The following MYO1B variants were observed in gnomAD, a reference collection of about 807,000 sequenced individuals.
MYO1B encodes the protein unconventional myosin-Ib.
MYO1B carries 72 observed loss-of-function variants against 159.7 expected under a neutral mutation model. The ratio of observed to expected loss-of-function variants is 0.45; its 90% CI spans 0.37 to 0.55. The LOEUF is 0.55. Among genes scored for constraint, MYO1B ranks in the 20% least tolerant of loss-of-function variants. The probability of loss-of-function intolerance (pLI) is 0.00; values close to 1 mark genes in which losing one functional copy is unlikely to be tolerated. For missense variants in MYO1B, 1,062 were observed against 1,364.8 expected, an observed-to-expected ratio of 0.78 and a Z score of 3.50; for synonymous variants, 468 against 473.8, an observed-to-expected ratio of 0.99 and a Z score of 0.16.
At chr2:191,312,267 AC>A (rs1184230709) in intron 3 of MYO1B, among the ~76,000 whole-genome samples, 1 of 152,186 alleles carries the variant, frequency 6.6e-6, no homozygotes, top group African/African-American at 2.4e-5. Context: ...CTTGTGGCCT[AC>A]TGTTTCTGAA....
intron 24 of MYO1B, 130 bp downstream of exon 24, chr2:191,402,848 T>G: frequency 1.5e-6 from 1 of 647,472 alleles, no homozygotes; most frequent in Non-Finnish European, 2.5e-6. Context: ...TCTTGCTTAA[T>G]TTTGTACCTT....
At chr2:191,307,591 C>T (rs1415974530) in intron 3 of MYO1B, among the ~76,000 whole-genome samples, 2 of 152,120 alleles carry the variant, frequency 1.3e-5, no homozygotes, top group African/African-American at 4.8e-5. Flanking sequence ...CGAACACCTC[C>T]GACAAACTCA....
chr2:191,416,985 T>C (rs1697616411), intron 30 of MYO1B, among the ~76,000 whole-genome samples: 1 of 152,228 alleles, frequency 6.6e-6, no homozygotes, highest in African/African-American at 2.4e-5. Flanking sequence ...TGTAAGTGTT[T>C]TGGAGAAATC....
rs34444520 is a variant in MYO1B at position 191,372,879 on chromosome 2, C to CT, written c.1185+2613dup. ...TATGAAAATGCCTGCGTTATATTTC[C>CT]TTTTTTTTTTTTTTTTTTTTTTTTT... On this transcript the variant is annotated intron_variant, in intron 13 of 30. Coordinates refer to ENST00000392318, the MANE Select transcript of MYO1B (RefSeq NM_001130158.3). 9.2e-3 allele frequency among the ~76,000 whole-genome samples: 647 copies of CT among 70,154 alleles called. 121 individuals are homozygous for CT. The highest frequency in any genetic ancestry group is 0.029 in the African/African-American group (495 of 16,900). The allele number at this position is 70,154 out of a possible 152,430, so 46.0% of individuals were successfully genotyped here. A position where few individuals can be genotyped will look rare whatever the true frequency, so the allele number is the denominator to read the frequency against.
intron 1 of MYO1B, among the ~76,000 whole-genome samples, chr2:191,249,630 ATTGT>A (rs1685991587): frequency 6.6e-6 from 1 of 152,202 alleles, no homozygotes. Context: ...GGCATCATGG[ATTGT>A]TTGTGGATTC....
chr2:191,303,621 G>C (rs549609125), intron 3 of MYO1B, among the ~76,000 whole-genome samples: 2 of 152,110 alleles, frequency 1.3e-5, no homozygotes, highest in Admixed American at 6.5e-5. Context: ...CTAAACTCCA[G>C]CTTAAGTATT....
chr2:191,378,742 GGA>G (rs1229948624), intron 13 of MYO1B, among the ~76,000 whole-genome samples: 2 of 152,094 alleles, frequency 1.3e-5, no homozygotes, highest in Non-Finnish European at 2.9e-5. Flanking sequence ...GGGGTGGTAT[GGA>G]GAGAGAATGA....
In MYO1B at chr2:191,277,008, G is replaced by A. The variant is rs1270573636; in HGVS notation, c.113G>A (p.Arg38His). The A allele has an allele frequency of 3.1e-6, 5 of 1,613,534 alleles. No individual in the cohort carries two copies. The highest frequency in any genetic ancestry group is 1.7e-5 in the Admixed American group (1 of 59,834). ...ACCTTCATCAACAACCTCAAGAAGC[G>A]CTTTGACCACAGTGAAATATACGTA... ...EETFINNLKK[R>H]FDHSEIYTYI... The change falls in exon 2 of 31, where the codon CGC becomes CAC. Residue 38 changes from arginine (R) to histidine (H), a missense_variant. Physicochemically the swap from Arg to His is conservative, Grantham distance 29. This residue lies in a region of MYO1B where 415 missense variants were observed against 544.0 expected (regional missense o/e 0.76). Coordinates refer to ENST00000392318, the MANE Select transcript of MYO1B (RefSeq NM_001130158.3).
At chr2:191,361,548 G>A (rs954253151) in intron 8 of MYO1B, among the ~76,000 whole-genome samples, 2 of 151,282 alleles carry the variant, frequency 1.3e-5, no homozygotes, top group Non-Finnish European at 2.9e-5. Flanking sequence ...AACAAATGCA[G>A]ATTAAAACAG....
chr2:191,414,186 A>G lies in MYO1B; in HGVS notation c.3006+6A>G. ...TTAACCGTGCTAATGGGAAGGTAAA[A>G]ATGCTAACCTTGAAGACTGATAAGA... On this transcript the variant is annotated splice_donor_region_variant and intron_variant, in intron 28 of 30. Transcript: ENST00000392318. 6.2e-7 allele frequency: 1 copy of G among 1,609,686 alleles called. No homozygotes were observed.
At position 191,303,973 on chromosome 2, in the gene MYO1B, G is replaced by T. The variant is rs147263909; in HGVS notation, c.251+7747G>T. Among the ~76,000 whole-genome samples the T allele has an allele frequency of 1.4e-4, 22 of 152,292 alleles. No homozygotes were observed. In the East Asian group the frequency reaches 4.0e-3, roughly 28 times the overall value. On this transcript the variant is annotated intron_variant, in intron 3 of 30. Coordinates refer to ENST00000392318, the MANE Select transcript of MYO1B (RefSeq NM_001130158.3). ...TTCCTTTTATGCATGACTGTCATGGGTCAAAATAAGCAGAAGGCAGGCACT... is the reference window on the plus strand; with the variant it reads ...TTCCTTTTATGCATGACTGTCATGGTTCAAAATAAGCAGAAGGCAGGCACT...
intron 1 of MYO1B, among the ~76,000 whole-genome samples, chr2:191,256,741 G>A (rs11681777): frequency 0.54 from 82,302 of 151,998 alleles, 25,813 homozygotes; most frequent in Non-Finnish European, 0.68. Context: ...TCAGGCTGGC[G>A]GTCTCCAGTT....
chr2:191,312,326 A>G (rs1317628089), intron 3 of MYO1B, among the ~76,000 whole-genome samples: 1 of 152,094 alleles, frequency 6.6e-6, no homozygotes, highest in Non-Finnish European at 1.5e-5. Context: ...ACTCTGGTCT[A>G]TATTCTGTTT....
intron 7 of MYO1B, among the ~76,000 whole-genome samples, chr2:191,357,184 T>C (rs1293915593): frequency 6.6e-6 from 1 of 152,222 alleles, no homozygotes; most frequent in Non-Finnish European, 1.5e-5. Context: ...TGTCTTTTTA[T>C]TTATTTGTCA....
intron 1 of MYO1B, among the ~76,000 whole-genome samples, chr2:191,259,193 T>C (rs1481196483): frequency 6.6e-6 from 1 of 152,240 alleles, no homozygotes; most frequent in Non-Finnish European, 1.5e-5. Flanking sequence ...CCAGTTGGAT[T>C]TCTTGAAAGA....
At chr2:191,374,549 G>A (rs1003915115) in intron 13 of MYO1B, among the ~76,000 whole-genome samples, 5 of 152,210 alleles carry the variant, frequency 3.3e-5, no homozygotes, top group African/African-American at 1.2e-4. Flanking sequence ...TCTCTGAACG[G>A]AAGAGGGAAA....
chr2:191,359,140 A>G (rs892183982), intron 7 of MYO1B, among the ~76,000 whole-genome samples: 16 of 152,274 alleles, frequency 1.1e-4, no homozygotes, highest in African/African-American at 3.8e-4. Flanking sequence ...CAGTCACATG[A>G]TAAGTAAAAT....
At chr2:191,336,670 C>T (rs906908537) in intron 4 of MYO1B, among the ~76,000 whole-genome samples, 5 of 152,050 alleles carry the variant, frequency 3.3e-5, no homozygotes, top group Admixed American at 2.0e-4. Context: ...TTTGGATGTG[C>T]GGGAGCTGGG....
At position 191,341,473 on chromosome 2, in the gene MYO1B, T is replaced by G. The variant is rs115263290; in HGVS notation, c.359T>G (p.Leu120Arg). Residue 120 changes from leucine (L) to arginine (R), a missense_variant, in exon 5 of 31, where the codon CTT becomes CGT. This residue lies in a region of MYO1B where 415 missense variants were observed against 544.0 expected (regional missense o/e 0.76). Coordinates refer to ENST00000392318, the MANE Select transcript of MYO1B (RefSeq NM_001130158.3). ...TTTTCATCCACAGAGGCCAGTAAGCTTGTCATGTCCTATGTGGCAGCTGTT... is the reference window on the plus strand; with the variant it reads ...TTTTCATCCACAGAGGCCAGTAAGCGTGTCATGTCCTATGTGGCAGCTGTT... The part of the protein sequence containing the change: ...SGAGKTEASK[L>R]VMSYVAAVCG... 17 of 1,613,786 alleles carry G rather than the reference T, an allele frequency of 1.1e-5. No individual in the cohort carries two copies. In the East Asian group the frequency reaches 3.6e-4, roughly 34 times the overall value.
Sources: allele counts gnomAD v4.1 joint callset (sites outside exome capture counted in the v4.1 genomes callset), GRCh38; gene constraint gnomAD v4.1.1; regional missense constraint gnomAD v4.1.1; transcripts MANE v1.5; gene names NCBI Gene and HGNC (gene_info 2026-07-23, HGNC 2026-07-21).